Variants in PTPRM observed in about 807,000 individuals in gnomAD.
PTPRM encodes protein tyrosine phosphatase receptor type M.
In PTPRM, 47 loss-of-function variants were observed where a neutral mutation model predicts 186.7. The observed-to-expected ratio is 0.25, with a 90% CI of 0.20 to 0.32. The LOEUF is 0.32. PTPRM is among the 10% of genes least tolerant of loss of function. The pLI, the probability that PTPRM is intolerant of heterozygous loss-of-function variation, is 1.00. For synonymous variants in PTPRM, 668 were observed against 674.9 expected (o/e 0.99, Z 0.16); for missense variants, 1,494 against 1,865.0 (o/e 0.80, Z 3.66).
chr18:7,935,711 G>T (rs2051762929), intron 5 of PTPRM, among the ~76,000 whole-genome samples: 1 of 152,114 alleles, frequency 6.6e-6, no homozygotes, highest in South Asian at 2.1e-4. Context: ...ATGCAGGTTT[G>T]TTACATGGGT....
chr18:7,713,380 T>C (rs2040253082), intron 1 of PTPRM, among the ~76,000 whole-genome samples: 1 of 151,804 alleles, frequency 6.6e-6, no homozygotes, highest in African/African-American at 2.4e-5. Flanking sequence ...GTACTAAACA[T>C]GGAAAGGAAA....
At chr18:7,980,081 G>A (rs1263666492) in intron 7 of PTPRM, among the ~76,000 whole-genome samples, 1 of 151,194 alleles carries the variant, frequency 6.6e-6, no homozygotes, top group East Asian at 1.9e-4. Context: ...CCTTGGCCGT[G>A]CCTGTCTTCG....
chr18:7,619,812 G>A (rs1246158673), intron 1 of PTPRM, among the ~76,000 whole-genome samples: 1 of 152,138 alleles, frequency 6.6e-6, no homozygotes. Flanking sequence ...TTTGGACATA[G>A]GCGTGACCAT....
intron 1 of PTPRM, among the ~76,000 whole-genome samples, chr18:7,585,161 A>G (rs1245641662): frequency 6.6e-6 from 1 of 152,252 alleles, no homozygotes; most frequent in Non-Finnish European, 1.5e-5. Context: ...GCAGTTAGAC[A>G]ATAGACACGG....
chr18:8,036,347 A>G (rs1340325487), intron 7 of PTPRM, among the ~76,000 whole-genome samples: 7 of 152,318 alleles, frequency 4.6e-5, no homozygotes, highest in East Asian at 3.9e-4. Context: ...CCTTTTAGAG[A>G]TTTTTATAGA....
intron 14 of PTPRM, among the ~76,000 whole-genome samples, chr18:8,195,163 T>C (rs2146759124): frequency 6.6e-6 from 1 of 151,270 alleles, no homozygotes; most frequent in East Asian, 1.9e-4. Flanking sequence ...TTTTTTTTTT[T>C]TTTTTTTTTT....
At chr18:8,334,451 C>T (rs755375684) in intron 22 of PTPRM, among the ~76,000 whole-genome samples, 2 of 152,264 alleles carry the variant, frequency 1.3e-5, no homozygotes, top group African/African-American at 4.8e-5. Context: ...AGGGCCTGCC[C>T]CCTGCCCTAT....
chr18:8,244,143 G>A lies in PTPRM; in HGVS notation c.2386G>A (p.Ala796Thr). 2 of 1,607,930 alleles carry A rather than the reference G, an allele frequency of 1.2e-6. No homozygotes were observed. Residue 796 changes from alanine to threonine, a missense_variant, in exon 15 of 33, where the codon GCT (alanine) becomes ACT (threonine). Transcript: ENST00000580170. ...GGTGAACTCAATGGACAAGAGCTAT[G>A]CTGAGCAGGGCACAAACTGCGACGA... is the stretch of plus-strand genomic sequence containing the variant. ...VMVNSMDKSY[A>T]EQGTNCDEAF...
chr18:7,880,707 C>T (rs2146278840), intron 2 of PTPRM, among the ~76,000 whole-genome samples: 1 of 152,326 alleles, frequency 6.6e-6, no homozygotes, highest in African/African-American at 2.4e-5. Context: ...CTCCACAGGC[C>T]TTCCTCTTCC....
At chr18:8,240,541 GGAAGGAAGGAAA>G (rs1241544873) in intron 14 of PTPRM, among the ~76,000 whole-genome samples, 80 of 115,920 alleles carry the variant, frequency 6.9e-4, no homozygotes, top group South Asian at 2.3e-3. Context: ...AAGGAAGGAA[GGAAGGAAGGAAA>G]GAAGGAAAGA....
chr18:8,119,544 C>T (rs898462629), intron 13 of PTPRM, among the ~76,000 whole-genome samples: 7 of 152,216 alleles, frequency 4.6e-5, no homozygotes, highest in African/African-American at 1.4e-4. Context: ...TAACATTCAT[C>T]GTTCAGCATT....
At chr18:7,862,992 A>G (rs796516718) in intron 2 of PTPRM, among the ~76,000 whole-genome samples, 11 of 152,280 alleles carry the variant, frequency 7.2e-5, no homozygotes, top group African/African-American at 2.2e-4. Flanking sequence ...ATTGCTTCCA[A>G]TAGTCATACT....
chr18:8,225,366 G>A lies in PTPRM; in HGVS notation c.2301-18692G>A, dbSNP rs117178709. On this transcript the variant is annotated intron_variant, in intron 14 of 32. Coordinates refer to ENST00000580170, the MANE Select transcript of PTPRM (RefSeq NM_001105244.2). ...CAGAGTATCTCACCTTTGGCCAATAGGAGTTCATTCAAGTTGTCTCTTGTA... is the reference window on the plus strand; with the variant it reads ...CAGAGTATCTCACCTTTGGCCAATAAGAGTTCATTCAAGTTGTCTCTTGTA... Among the ~76,000 whole-genome samples the A allele has an allele frequency of 3.7e-3, 559 of 150,578 alleles. 1 individual carries two copies. The highest frequency in any genetic ancestry group is 6.1e-3 in the Admixed American group (92 of 15,088).
chr18:7,641,349 A>G (rs1271803762), intron 1 of PTPRM, among the ~76,000 whole-genome samples: 1 of 152,366 alleles, frequency 6.6e-6, no homozygotes, highest in Middle Eastern at 3.4e-3. Context: ...AAATGTGATC[A>G]GAAATACCCA....
chr18:8,244,475 C>T (rs2094459557), intron 15 of PTPRM, among the ~76,000 whole-genome samples: 1 of 152,108 alleles, frequency 6.6e-6, no homozygotes, highest in Admixed American at 6.5e-5. Flanking sequence ...GGCTTTCCTT[C>T]TTTTGAGGAA....
chr18:7,872,243 A>G (rs1480869359), intron 2 of PTPRM, among the ~76,000 whole-genome samples: 2 of 152,156 alleles, frequency 1.3e-5, no homozygotes, highest in Non-Finnish European at 2.9e-5. Flanking sequence ...GGACACCATC[A>G]GCTCCCCAGC....
At chr18:7,574,724 A>C (rs2036643388) in intron 1 of PTPRM, among the ~76,000 whole-genome samples, 1 of 152,242 alleles carries the variant, frequency 6.6e-6, no homozygotes, top group African/African-American at 2.4e-5. Flanking sequence ...CTCAAATTCC[A>C]AATAGAAAGA....
Position 8,376,164 on chromosome 18 carries a change from G to A in PTPRM, c.3290G>A (p.Ser1097Asn). Residue 1097 changes from serine (S) to asparagine (N), a missense_variant, in exon 25 of 33, where the codon AGC (serine) becomes AAC (asparagine). Physicochemically the swap from Ser to Asn is conservative, Grantham distance 46. Coordinates refer to ENST00000580170, the MANE Select transcript of PTPRM (RefSeq NM_001105244.2). ...TTCGTGCGGCAAGTCAAGTCCAAGA[G>A]CCCGCCCAGTGCAGGCCCACTGGTG... ...LGFVRQVKSK[S>N]PPSAGPLVVH... 1.2e-6 allele frequency: 2 copies of A among 1,613,620 alleles called. No homozygotes were observed. The highest frequency in any genetic ancestry group is 1.7e-6 in the Non-Finnish European group (2 of 1,179,980).
chr18:8,038,614 A>C (rs1051312763), intron 7 of PTPRM, among the ~76,000 whole-genome samples: 4 of 151,564 alleles, frequency 2.6e-5, no homozygotes, highest in African/African-American at 9.7e-5. Flanking sequence ...CTCATCTCCA[A>C]CTCCTAGCCT....
Sources: allele counts gnomAD v4.1 joint callset (sites outside exome capture counted in the v4.1 genomes callset), GRCh38; gene constraint gnomAD v4.1.1; transcripts MANE v1.5; gene names NCBI Gene and HGNC (gene_info 2026-07-23, HGNC 2026-07-21).